Variants in FIG4 observed in about 807,000 individuals in gnomAD.
FIG4 encodes the protein FIG4 phosphoinositide 5-phosphatase, also known as polyphosphoinositide phosphatase.
FIG4 carries 112 observed loss-of-function variants against 118.6 expected under a neutral mutation model. The observed-to-expected ratio is 0.94, with a 90% CI of 0.81 to 1.11. The LOEUF (loss-of-function observed/expected upper bound fraction) is 1.11. Among genes scored for constraint, FIG4 ranks in the 50% least tolerant of loss-of-function variants. The pLI, the probability that FIG4 is intolerant of heterozygous loss-of-function variation, is 0.00. For synonymous variants in FIG4, 369 were observed against 381.2 expected (o/e 0.97, Z 0.37); for missense variants, 969 against 1,111.7 (o/e 0.87, Z 1.83).
chr6:109,768,115 A>T (rs1312746411), intron 15 of FIG4, among the ~76,000 whole-genome samples: 1 of 152,158 alleles, frequency 6.6e-6, no homozygotes, highest in Non-Finnish European at 1.5e-5. Flanking sequence ...GCCAAAGGAT[A>T]CTTGAGTGTT....
At chr6:109,772,075 A>G (rs774833079) in intron 15 of FIG4, among the ~76,000 whole-genome samples, 1 of 152,040 alleles carries the variant, frequency 6.6e-6, no homozygotes, top group Non-Finnish European at 1.5e-5. Context: ...TGACACCGAA[A>G]CTGTACTTGT....
At chr6:109,806,594 G>A (rs1449726007) in intron 22 of FIG4, among the ~76,000 whole-genome samples, 1 of 151,646 alleles carries the variant, frequency 6.6e-6, no homozygotes, top group Non-Finnish European at 1.5e-5. Context: ...AAGGAGTCCT[G>A]GAGAGGGTCA....
At position 109,762,135 on chromosome 6, in the gene FIG4, G is replaced by T; in HGVS notation, c.1316G>T (p.Ser439Ile). ...GATCGACTAAATGTGATTGCAGAAA[G>T]TGTGGTGAAGAAAACAGGTTTCTTT... Reference protein sequence around the residue: ...VLDRLNVIAESVVKKTGFFVN... With the variant: ...VLDRLNVIAEIVVKKTGFFVN... Residue 439 changes from serine to isoleucine, a missense_variant, in exon 12 of 23, where the codon AGT (serine) becomes ATT (isoleucine). Physicochemically the swap from Ser to Ile is moderately radical, Grantham distance 142. This residue lies in a region of FIG4 where 246 missense variants were observed against 354.3 expected (regional missense o/e 0.69). Transcript: ENST00000230124. The T allele has an allele frequency of 6.2e-7, 1 of 1,613,766 alleles. No individual in the cohort carries two copies. Among genetic ancestry groups the T allele is most frequent in the East Asian group, 2.2e-5 (1 of 44,862 alleles).
At chr6:109,801,219 C>T (rs1400190789) in intron 22 of FIG4, among the ~76,000 whole-genome samples, 1 of 152,092 alleles carries the variant, frequency 6.6e-6, no homozygotes, top group Admixed American at 6.6e-5. Flanking sequence ...AGGATTCTTC[C>T]AGCGCAGGAT....
intron 22 of FIG4, among the ~76,000 whole-genome samples, chr6:109,798,390 A>G (rs1778342729): frequency 6.6e-6 from 1 of 152,130 alleles, no homozygotes; most frequent in Non-Finnish European, 1.5e-5. Flanking sequence ...TAGGTATTGA[A>G]TATGTCTGTG....
At chr6:109,745,197 G>C (rs938962131) in intron 10 of FIG4, among the ~76,000 whole-genome samples, 5 of 152,136 alleles carry the variant, frequency 3.3e-5, no homozygotes, top group African/African-American at 7.2e-5. Context: ...TCTAGTTCTA[G>C]ATCCTTGAGG....
At chr6:109,707,287 A>G (rs13200119) in intron 1 of FIG4, among the ~76,000 whole-genome samples, 1 of 139,730 alleles carries the variant, frequency 7.2e-6, no homozygotes, top group Non-Finnish European at 1.5e-5. Context: ...GTGTATATAT[A>G]TATATGTGTG....
chr6:109,733,998 A>G (rs1056995352), intron 5 of FIG4, among the ~76,000 whole-genome samples: 11 of 152,042 alleles, frequency 7.2e-5, no homozygotes, highest in African/African-American at 2.7e-4. Flanking sequence ...TGTTTTAAAT[A>G]GAAATAATTG....
chr6:109,781,124 A>G (rs1001176202), intron 16 of FIG4, among the ~76,000 whole-genome samples: 4 of 152,190 alleles, frequency 2.6e-5, no homozygotes, highest in South Asian at 2.1e-4. Context: ...TTGTTTGTCA[A>G]CTGTTGAAGA....
chr6:109,753,954 T>A (rs568391415), intron 10 of FIG4, among the ~76,000 whole-genome samples: 61 of 152,338 alleles, frequency 4.0e-4, no homozygotes, highest in Non-Finnish European at 7.9e-4. Context: ...CTGATTGCCC[T>A]AGCCAGAACT....
intron 10 of FIG4, among the ~76,000 whole-genome samples, chr6:109,746,656 C>T (rs544567862): frequency 6.6e-6 from 1 of 152,156 alleles, no homozygotes; most frequent in East Asian, 1.9e-4. Flanking sequence ...CATTAATGAG[C>T]CTGGCCTTCT....
chr6:109,814,258 C>G lies in FIG4; in HGVS notation c.2547-10830C>G, dbSNP rs553408551. ...GGCTCAAGCGATACTCCCACCTCAA[C>G]TTCCCAACTAGCTGGGCCCACAAGC... On this transcript the variant is annotated intron_variant, in intron 22 of 22. Transcript: ENST00000230124. Among the ~76,000 whole-genome samples, 15 of 152,254 alleles carry G rather than the reference C, an allele frequency of 9.9e-5. No individual in the cohort carries two copies. In the East Asian group the frequency reaches 2.9e-3, roughly 29 times the overall value.
Position 109,743,749 on chromosome 6 carries a change from A to G in FIG4, c.1114A>G (p.Ile372Val), listed in dbSNP as rs1583671879. 1 of 1,612,448 alleles carries G rather than the reference A, an allele frequency of 6.2e-7. No homozygotes were observed. Among genetic ancestry groups the G allele is most frequent in the Non-Finnish European group, 8.5e-7 (1 of 1,178,832 alleles). ...DQMFQRFGSP[I>V]IILNLVKERE... The stretch of plus-strand genomic sequence containing the variant: ...GATGTTCCAGAGGTTTGGCTCTCCC[A>G]TCATCATCTTGAATTTAGTGAAGGT... Residue 372 changes from isoleucine (I) to valine (V), a missense_variant, in exon 10 of 23, where the codon ATC becomes GTC. Ile to Val is a conservative substitution (Grantham distance 29). Around this residue, in one of 3 missense-constraint regions of FIG4, gnomAD observed 246 missense variants for 354.3 expected, o/e 0.69. Transcript: ENST00000230124.
chr6:109,695,919 T>C (rs1169165956), intron 1 of FIG4, among the ~76,000 whole-genome samples: 2 of 152,186 alleles, frequency 1.3e-5, no homozygotes, highest in African/African-American at 4.8e-5. Flanking sequence ...GTTGTACCAA[T>C]TGAGATGTCT....
Position 109,763,993 on chromosome 6 carries a change from T to G in FIG4, c.1434+11T>G. The G allele has an allele frequency of 1.3e-6, 2 of 1,565,850 alleles. No individual in the cohort carries two copies. The highest frequency in any genetic ancestry group is 1.8e-6 in the Non-Finnish European group (2 of 1,135,850). On this transcript the variant is annotated intron_variant, in intron 13 of 22. Coordinates refer to ENST00000230124, the MANE Select transcript of FIG4 (RefSeq NM_014845.6). ...ACTGGTCGCCTGCAGGTATACACAG[T>G]ATTACAATTCGTAATGAATAGAATC...
intron 4 of FIG4, among the ~76,000 whole-genome samples, chr6:109,731,738 A>C (rs937860966): frequency 6.6e-6 from 1 of 152,154 alleles, no homozygotes; most frequent in Non-Finnish European, 1.5e-5. Context: ...ATGCCATTTT[A>C]TATCAGGAAC....
At chr6:109,820,274 G>A (rs1296586594) in intron 22 of FIG4, among the ~76,000 whole-genome samples, 1 of 152,170 alleles carries the variant, frequency 6.6e-6, no homozygotes, top group Non-Finnish European at 1.5e-5. Context: ...CCTATTAGCT[G>A]CAATAAAAGT....
At chr6:109,792,450 A>G in intron 20 of FIG4, 132 bp from the exon 21 acceptor site, 1 of 635,630 alleles carries the variant, frequency 1.6e-6, no homozygotes, top group African/African-American at 1.9e-5. Flanking sequence ...AAGAAGTTTA[A>G]TGAACAGGTT....
chr6:109,751,315 C>CT (rs1199989603), intron 10 of FIG4, among the ~76,000 whole-genome samples: 1 of 151,112 alleles, frequency 6.6e-6, no homozygotes, highest in Non-Finnish European at 1.5e-5. Flanking sequence ...ATTCGGTTTG[C>CT]CAGTATTTTA....
Sources: gnomAD v4.1 joint callset for allele counts (sites outside exome capture counted in the v4.1 genomes callset) on GRCh38, gnomAD v4.1.1 for gene constraint, gnomAD v4.1.1 regional missense constraint, MANE v1.5 for transcripts, NCBI Gene and HGNC (gene_info 2026-07-23, HGNC 2026-07-21) for gene names.